Variants in NEGR1 observed in about 807,000 individuals in gnomAD.
NEGR1 encodes the protein IgLON family member 4.
Under a neutral mutation model 40.9 loss-of-function variants are expected in NEGR1, and 10 were observed. The observed-to-expected ratio is 0.24, with a 90% CI of 0.15 to 0.42. NEGR1 has a LOEUF of 0.42. Among genes scored for constraint, NEGR1 ranks in the 10% least tolerant of loss-of-function variants. NEGR1 has a pLI of 1.00. For synonymous variants in NEGR1, 185 were observed against 166.8 expected (o/e 1.11, Z -0.84); for missense variants, 352 against 438.9 (o/e 0.80, Z 1.77).
chr1:71,647,760 A>AT (rs1431414181), intron 4 of NEGR1, among the ~76,000 whole-genome samples: 2 of 152,008 alleles, frequency 1.3e-5, no homozygotes, highest in Non-Finnish European at 2.9e-5. Flanking sequence ...GAAACCAGGA[A>AT]TTGAACACAT....
chr1:72,179,143 C>T (rs569630811), intron 1 of NEGR1, among the ~76,000 whole-genome samples: 1 of 152,056 alleles, frequency 6.6e-6, no homozygotes, highest in African/African-American at 2.4e-5. Flanking sequence ...AGAGGTTTTA[C>T]ATTTAAATCT....
chr1:71,646,767 T>G (rs895575211), intron 4 of NEGR1, among the ~76,000 whole-genome samples: 3 of 151,822 alleles, frequency 2.0e-5, no homozygotes, highest in African/African-American at 4.8e-5. Flanking sequence ...TTTTTATTGC[T>G]GCATTACTGA....
chr1:71,724,110 A>T (rs1320763840), intron 3 of NEGR1, among the ~76,000 whole-genome samples: 2 of 152,124 alleles, frequency 1.3e-5, no homozygotes, highest in African/African-American at 4.8e-5. Context: ...TTACATGAAG[A>T]TTACAGTGTT....
At chr1:71,823,371 A>C (rs946140694) in intron 2 of NEGR1, among the ~76,000 whole-genome samples, 13 of 151,986 alleles carry the variant, frequency 8.6e-5, no homozygotes, top group African/African-American at 3.1e-4. Flanking sequence ...CATATCCATG[A>C]TAACCTTGTT....
At chr1:71,737,248 A>G (rs1655067206) in intron 3 of NEGR1, among the ~76,000 whole-genome samples, 1 of 152,172 alleles carries the variant, frequency 6.6e-6, no homozygotes, top group African/African-American at 2.4e-5. Context: ...ACCTTTGCTC[A>G]ACTAGTTTTT....
At chr1:71,823,502 G>A (rs570699348) in intron 2 of NEGR1, among the ~76,000 whole-genome samples, 68 of 152,076 alleles carry the variant, frequency 4.5e-4, no homozygotes, top group African/African-American at 1.6e-3. Flanking sequence ...AACACGCTTT[G>A]CATTTCCAGG....
intron 1 of NEGR1, among the ~76,000 whole-genome samples, chr1:72,073,934 T>G (rs1191018898): frequency 6.6e-6 from 1 of 152,056 alleles, no homozygotes; most frequent in Non-Finnish European, 1.5e-5. Context: ...TGATACTGGA[T>G]GCAGGAATAT....
At chr1:71,604,121 G>T (rs1341376890) in intron 5 of NEGR1, among the ~76,000 whole-genome samples, 1 of 152,132 alleles carries the variant, frequency 6.6e-6, no homozygotes, top group Non-Finnish European at 1.5e-5. Flanking sequence ...TATTTTTGAA[G>T]CAGTAGAGTA....
chr1:72,189,716 A>G (rs1271474800), intron 1 of NEGR1, among the ~76,000 whole-genome samples: 1 of 151,562 alleles, frequency 6.6e-6, no homozygotes, highest in African/African-American at 2.4e-5. Flanking sequence ...TGCTTGAGAG[A>G]TATTTCTGTT....
At chr1:71,710,581 A>G (rs1050218415) in intron 3 of NEGR1, among the ~76,000 whole-genome samples, 30 of 152,210 alleles carry the variant, frequency 2.0e-4, no homozygotes, top group African/African-American at 5.8e-4. Flanking sequence ...AACAACATGG[A>G]TGGAACTGGA....
chr1:72,252,391 TTCAAGAAATAATATTTTATGCC>T (rs1655132496), intron 1 of NEGR1, among the ~76,000 whole-genome samples: 1 of 152,142 alleles, frequency 6.6e-6, no homozygotes, highest in Non-Finnish European at 1.5e-5. Flanking sequence ...AGGGAGTTTA[TTCAAGAAATAATATTTTATGCC>T]TCTGTGGACT....
At chr1:72,190,461 GC>G (rs1652780737) in intron 1 of NEGR1, among the ~76,000 whole-genome samples, 1 of 151,484 alleles carries the variant, frequency 6.6e-6, no homozygotes, top group Non-Finnish European at 1.5e-5. Flanking sequence ...ATAGAACTGA[GC>G]AAACATGGCT....
chr1:71,773,939 G>A (rs1048936825), intron 3 of NEGR1, among the ~76,000 whole-genome samples: 4 of 152,126 alleles, frequency 2.6e-5, no homozygotes, highest in African/African-American at 9.7e-5. Flanking sequence ...GCACTGCAAA[G>A]CAGGAGAGTT....
At position 72,282,524 on chromosome 1, in the gene NEGR1, C is replaced by G; in HGVS notation, c.-30G>C. ...GCTAGGGCTGCTCACTCTCCAGCAGCTTTCAGCTCGCACTCCCCCACCCCC... is the reference window on the plus strand; with the variant it reads ...GCTAGGGCTGCTCACTCTCCAGCAGGTTTCAGCTCGCACTCCCCCACCCCC... On this transcript the variant is annotated 5_prime_UTR_variant, in exon 1 of 7. Coordinates refer to ENST00000357731, the MANE Select transcript of NEGR1 (RefSeq NM_173808.3). 1 of 1,544,522 alleles carries G rather than the reference C, an allele frequency of 6.5e-7. No individual in the cohort carries two copies. Among genetic ancestry groups the G allele is most frequent in the Non-Finnish European group, 8.8e-7 (1 of 1,138,638 alleles).
intron 2 of NEGR1, among the ~76,000 whole-genome samples, chr1:71,849,240 G>C (rs984256284): frequency 6.6e-6 from 1 of 152,182 alleles, no homozygotes; most frequent in African/African-American, 2.4e-5. Context: ...ATTCATGAAA[G>C]AAGGTCAAAA....
intron 1 of NEGR1, among the ~76,000 whole-genome samples, chr1:71,952,385 G>A (rs1452331432): frequency 6.6e-6 from 1 of 151,934 alleles, no homozygotes; most frequent in Non-Finnish European, 1.5e-5. Flanking sequence ...GCCACAACAG[G>A]CTATTAAACC....
At chr1:71,476,157 GAT>G (rs1646818863) in intron 6 of NEGR1, among the ~76,000 whole-genome samples, 1 of 151,864 alleles carries the variant, frequency 6.6e-6, no homozygotes, top group African/African-American at 2.4e-5. Context: ...AATCTTTCCT[GAT>G]ATCAACCTGG....
chr1:71,425,948 A>G (rs1294852908), intron 6 of NEGR1, among the ~76,000 whole-genome samples: 2 of 152,044 alleles, frequency 1.3e-5, no homozygotes, highest in East Asian at 3.9e-4. Context: ...GTTTAGCACA[A>G]CCTCTTCTTT....
At chr1:71,766,077 G>A (rs183466818) in intron 3 of NEGR1, among the ~76,000 whole-genome samples, 361 of 151,870 alleles carry the variant, frequency 2.4e-3, no homozygotes, top group African/African-American at 8.3e-3. Flanking sequence ...GGGAGGCTGA[G>A]GCAGGAAAAT....
Sources: allele counts gnomAD v4.1 joint callset (sites outside exome capture counted in the v4.1 genomes callset), GRCh38; gene constraint gnomAD v4.1.1; transcripts MANE v1.5; gene names NCBI Gene and HGNC (gene_info 2026-07-23, HGNC 2026-07-21).